Variants in GUCA1B observed in about 807,000 individuals in gnomAD.
GUCA1B encodes the protein guanylyl cyclase-activating protein 2.
Under a neutral mutation model 24.2 loss-of-function variants are expected in GUCA1B, and 22 were observed. That is an observed-to-expected ratio of 0.91 (90% CI 0.65 to 1.30). The LOEUF (loss-of-function observed/expected upper bound fraction) is 1.30, where lower values mean the gene tolerates loss of function less well. Among genes scored for constraint, GUCA1B ranks in the 50% most tolerant of loss-of-function variants. The pLI, the probability that GUCA1B is intolerant of heterozygous loss-of-function variation, is 0.00. For synonymous variants in GUCA1B, 100 were observed against 97.9 expected (o/e 1.02, Z -0.13); for missense variants, 221 against 258.8 (o/e 0.85, Z 1.00).
chr6:42,185,825 C>T lies in GUCA1B; in HGVS notation c.358-28G>A, dbSNP rs73434249. On this transcript the variant is annotated intron_variant, in intron 2 of 3. Transcript: ENST00000230361. Reference sequence around the variant, plus strand: ...GCCAAAGAAAACTCAGCTGCATTGACGGGAGACCCTGAAAGCTCCACCTTC... The same window carrying T: ...GCCAAAGAAAACTCAGCTGCATTGATGGGAGACCCTGAAAGCTCCACCTTC... 1.4e-3 allele frequency: 1,897 copies of T among 1,380,728 alleles called. 25 individuals are homozygous for T. The African/African-American group carries it at 0.024, about 17-fold the overall frequency. 85.5% of individuals were successfully genotyped at this position (1,380,728 alleles called of 1,614,324 possible).
intron 1 of GUCA1B, among the ~76,000 whole-genome samples, chr6:42,189,669 T>C (rs915516765): frequency 4.6e-5 from 7 of 152,168 alleles, no homozygotes; most frequent in African/African-American, 1.4e-4. Context: ...CAGGTGCTAA[T>C]TGGGCAGAGG....
At chr6:42,191,026 C>T (rs1367303171) in intron 1 of GUCA1B, among the ~76,000 whole-genome samples, 6 of 152,128 alleles carry the variant, frequency 3.9e-5, no homozygotes, top group Non-Finnish European at 7.4e-5. Flanking sequence ...TTCTGGGAAA[C>T]GTCCAGCTGG....
intron 1 of GUCA1B, among the ~76,000 whole-genome samples, chr6:42,190,625 T>A (rs1768288994): frequency 6.6e-6 from 1 of 150,850 alleles, no homozygotes; most frequent in African/African-American, 2.5e-5. Flanking sequence ...ATTATCCCCA[T>A]TTTATGGATG....
chr6:42,185,037 C>G, intron 3 of GUCA1B, 95 bp from the exon 4 acceptor site: 1 of 1,142,412 alleles, frequency 8.8e-7, no homozygotes, highest in South Asian at 1.3e-5. Flanking sequence ...TGCGCCTACA[C>G]GTCTTATGCC....
In GUCA1B at chr6:42,185,673, C is replaced by T; in HGVS notation, c.475+7G>A. ...GACAGCACTCTCCCCATCTCTGCCC[C>T]TCTTACCATCTCCATTCTCATCCAC... is the stretch of plus-strand genomic sequence containing the variant. On this transcript the variant is annotated splice_region_variant and intron_variant, in intron 3 of 3. Coordinates refer to ENST00000230361, the MANE Select transcript of GUCA1B (RefSeq NM_002098.6). 3.3e-6 allele frequency: 5 copies of T among 1,503,472 alleles called. No individual in the cohort carries two copies. Among genetic ancestry groups the T allele is most frequent in the Non-Finnish European group, 4.6e-6 (5 of 1,079,436 alleles). 93.1% of individuals were successfully genotyped at this position (1,503,472 alleles called of 1,614,324 possible). A position where few individuals can be genotyped will look rare whatever the true frequency, so the allele number is the denominator to read the frequency against.
At chr6:42,192,784 G>A (rs1768333074) in intron 1 of GUCA1B, among the ~76,000 whole-genome samples, 1 of 152,122 alleles carries the variant, frequency 6.6e-6, no homozygotes, top group East Asian at 1.9e-4. Flanking sequence ...CCAGCTACTT[G>A]AGAGGTTGAG....
chr6:42,192,384 A>G lies in GUCA1B; in HGVS notation c.207+2230T>C, dbSNP rs1406385173. 2.3e-3 allele frequency among the ~76,000 whole-genome samples: 28 copies of G among 12,146 alleles called. 5 individuals are homozygous for G. The highest frequency in any genetic ancestry group is 0.01 in the South Asian group (3 of 286). The allele number at this position is 12,146 out of a possible 152,430, so 8.0% of individuals were successfully genotyped here. A position where few individuals can be genotyped will look rare whatever the true frequency, so the allele number is the denominator to read the frequency against. ...AAAAAAAAAAAAAAAAAAAAAAGAGAGAAAAGAAAAGAAAAGAAAAGAAAA... is the reference window on the plus strand; with the variant it reads ...AAAAAAAAAAAAAAAAAAAAAAGAGGGAAAAGAAAAGAAAAGAAAAGAAAA... On this transcript the variant is annotated intron_variant, in intron 1 of 3. Coordinates refer to ENST00000230361, the MANE Select transcript of GUCA1B (RefSeq NM_002098.6).
chr6:42,184,724 G>T lies in GUCA1B; in HGVS notation c.*91C>A. On this transcript the variant is annotated 3_prime_UTR_variant, in exon 4 of 4. Transcript: ENST00000230361. ...GGGTGCCAGGAAGTCAACACCAGGG[G>T]AAGAGTGGGCATGAGCAGGCTGAGC... 1 of 1,283,860 alleles carries T rather than the reference G, an allele frequency of 7.8e-7. No individual in the cohort carries two copies. The highest frequency in any genetic ancestry group is 1.2e-5 in the South Asian group (1 of 84,402). 79.5% of individuals were successfully genotyped at this position (1,283,860 alleles called of 1,614,324 possible). A position where few individuals can be genotyped will look rare whatever the true frequency, so the allele number is the denominator to read the frequency against.
At chr6:42,190,694 C>T (rs945425196) in intron 1 of GUCA1B, among the ~76,000 whole-genome samples, 1 of 152,166 alleles carries the variant, frequency 6.6e-6, no homozygotes, top group East Asian at 1.9e-4. Flanking sequence ...AGAGCTTTTC[C>T]AGGCATGCAT....
In GUCA1B at chr6:42,185,234, C is replaced by G. The variant is rs75625595; in HGVS notation, c.476-292G>C. Among the ~76,000 whole-genome samples, 921 of 152,318 alleles carry G rather than the reference C, an allele frequency of 6.0e-3. 12 individuals are homozygous for G. The highest frequency in any genetic ancestry group is 0.021 in the African/African-American group (882 of 41,562). On this transcript the variant is annotated intron_variant, in intron 3 of 3. Coordinates refer to ENST00000230361, the MANE Select transcript of GUCA1B (RefSeq NM_002098.6). ...GGCTCAAGTGTGTATTCCAAGCCAG[C>G]TCTCTCCCCACATAGCCCTGAGGCT... is the stretch of plus-strand genomic sequence containing the variant.
In GUCA1B at chr6:42,194,949, G is replaced by A; in HGVS notation, c.-129C>T. 2 of 736,652 alleles carry A rather than the reference G, an allele frequency of 2.7e-6. No individual in the cohort carries two copies. The highest frequency in any genetic ancestry group is 1.5e-5 in the South Asian group (1 of 67,224). 45.6% of individuals were successfully genotyped at this position (736,652 alleles called of 1,614,324 possible). On this transcript the variant is annotated 5_prime_UTR_variant, in exon 1 of 4. Coordinates refer to ENST00000230361, the MANE Select transcript of GUCA1B (RefSeq NM_002098.6). The stretch of plus-strand genomic sequence containing the variant: ...CTGATCAGCCTCTCCATCATCTCCT[G>A]GGTGACTGAACATGATCAGTCGGTG...
At chr6:42,190,394 C>T (rs1179882807) in intron 1 of GUCA1B, among the ~76,000 whole-genome samples, 1 of 121,292 alleles carries the variant, frequency 8.2e-6, no homozygotes, top group Non-Finnish European at 1.6e-5. Flanking sequence ...GGAGGGGGTA[C>T]TGAACATTCC....
Position 42,185,715 on chromosome 6 carries a change from T to A in GUCA1B, c.440A>T (p.Asp147Val). The change falls in exon 3 of 4, where the codon GAC (aspartate) becomes GTC (valine). Residue 147 changes from aspartate (D) to valine (V), a missense_variant. By Grantham distance (152) the Asp-to-Val change is radical. Transcript: ENST00000230361. ...CTCATCCACCAGGAGGAAGATCCTGTCCACGACCTCCTCGGGTGTGAGCAG... is the reference window on the plus strand; with the variant it reads ...CTCATCCACCAGGAGGAAGATCCTGACCACGACCTCCTCGGGTGTGAGCAG... The part of the protein sequence containing the change: ...GQLLTPEEVV[D>V]RIFLLVDENG... The A allele has an allele frequency of 6.2e-7, 1 of 1,610,194 alleles. No individual in the cohort carries two copies. The highest frequency in any genetic ancestry group is 8.5e-7 in the Non-Finnish European group (1 of 1,176,492).
rs1768142782 is a variant in GUCA1B, at chr6:42,183,671, G to A, written c.*1144C>T. On this transcript the variant is annotated 3_prime_UTR_variant, in exon 4 of 4. Transcript: ENST00000230361. Reference sequence around the variant, plus strand: ...GTCTTGGGTCACACAGCAGTTAGAAGCCAAGCCCAGCCCACAATCCCAGTC... The same window carrying A: ...GTCTTGGGTCACACAGCAGTTAGAAACCAAGCCCAGCCCACAATCCCAGTC... Among the ~76,000 whole-genome samples the A allele has an allele frequency of 6.6e-6, 1 of 152,194 alleles. No individual in the cohort carries two copies. The highest frequency in any genetic ancestry group is 6.5e-5 in the Admixed American group (1 of 15,270).
At chr6:42,185,821 T>C (rs1768183835) in intron 2 of GUCA1B, 24 bp from the exon 3 acceptor site, 3 of 1,415,248 alleles carry the variant, frequency 2.1e-6, no homozygotes, top group Non-Finnish European at 3.0e-6. Flanking sequence ...CTCAGCTGCA[T>C]TGACGGGAGA....
Position 42,184,786 on chromosome 6 carries a change from C to T in GUCA1B, c.*29G>A. ...CTACTACCCTGGAAACCTGGGTGAG[C>T]CTGGAGTCGTGGAGGGGCCCCAGAC... On this transcript the variant is annotated 3_prime_UTR_variant, in exon 4 of 4. Transcript: ENST00000230361. The T allele has an allele frequency of 6.2e-7, 1 of 1,611,484 alleles. No individual in the cohort carries two copies. Among genetic ancestry groups the T allele is most frequent in the Non-Finnish European group, 8.5e-7 (1 of 1,177,912 alleles).
At chr6:42,188,908 ATATCATCTCTCTC>A (rs1768251892) in intron 1 of GUCA1B, among the ~76,000 whole-genome samples, 177 bp from the exon 2 acceptor site, 2 of 75,972 alleles carry the variant, frequency 2.6e-5, no homozygotes, top group African/African-American at 3.1e-4. Context: ...ATCTATATCT[ATATCATCTCTCTC>A]TCTCTCTCTC....
rs754435926 is a variant in GUCA1B at position 42,188,750 on chromosome 6, C to T, written c.208-19G>A. Reference sequence around the variant, plus strand: ...TGTTGTCCTGCATTAGATGTGGATGCTGCTGAGGGCACAGCCCACCTCCCC... The same window carrying T: ...TGTTGTCCTGCATTAGATGTGGATGTTGCTGAGGGCACAGCCCACCTCCCC... On this transcript the variant is annotated intron_variant, in intron 1 of 3. Coordinates refer to ENST00000230361, the MANE Select transcript of GUCA1B (RefSeq NM_002098.6). 2.0e-5 allele frequency: 32 copies of T among 1,609,064 alleles called. No individual in the cohort carries two copies. The highest frequency in any genetic ancestry group is 1.6e-4 in the Middle Eastern group (1 of 6,076).
rs1768340863 is a variant in GUCA1B, at chr6:42,193,248, C to CT, written c.207+1365dup. On this transcript the variant is annotated intron_variant, in intron 1 of 3. Transcript: ENST00000230361. ...AGGTATAAGGAGTACAACTATATGCCTAGGGGCTTAATCAGCCCTTTGGAT... is the reference window on the plus strand; with the variant it reads ...AGGTATAAGGAGTACAACTATATGCCTTAGGGGCTTAATCAGCCCTTTGGAT... 4.6e-5 allele frequency among the ~76,000 whole-genome samples: 7 copies of CT among 152,268 alleles called. No homozygotes were observed. In the South Asian group the frequency reaches 1.4e-3, roughly 32 times the overall value.
Sources: gnomAD v4.1 joint callset for allele counts (sites outside exome capture counted in the v4.1 genomes callset) on GRCh38, gnomAD v4.1.1 for gene constraint, MANE v1.5 for transcripts, NCBI Gene and HGNC (gene_info 2026-07-23, HGNC 2026-07-21) for gene names.